OPCML: variants seen among roughly 807,000 people sequenced by gnomAD.
The protein encoded by OPCML is opioid-binding protein/cell adhesion molecule.
In OPCML, 13 loss-of-function variants were observed where a neutral mutation model predicts 37.8. The ratio of observed to expected loss-of-function variants is 0.34; its 90% CI spans 0.22 to 0.55. The LOEUF is 0.55. Among genes scored for constraint, OPCML ranks in the 20% least tolerant of loss-of-function variants. The pLI is 0.91. For missense variants in OPCML, 341 were observed against 435.6 expected (o/e 0.78, Z 1.93); for synonymous variants, 176 against 168.8 (o/e 1.04, Z -0.33).
At chr11:133,413,044 T>C (rs1945682344) in intron 1 of OPCML, among the ~76,000 whole-genome samples, 1 of 151,956 alleles carries the variant, frequency 6.6e-6, no homozygotes, top group Admixed American at 6.6e-5. Flanking sequence ...AGCTGACCCA[T>C]AGAACTTCTG....
chr11:132,500,343 C>T (rs749558191), intron 4 of OPCML, among the ~76,000 whole-genome samples: 2 of 152,068 alleles, frequency 1.3e-5, no homozygotes, highest in African/African-American at 2.4e-5. Flanking sequence ...TTTACCAGAA[C>T]CTGAAAAATT....
chr11:133,153,852 G>A (rs916990733), intron 1 of OPCML, among the ~76,000 whole-genome samples: 5 of 152,114 alleles, frequency 3.3e-5, no homozygotes, highest in East Asian at 1.9e-4. Flanking sequence ...ACACGTGGGG[G>A]CTCCATCTGG....
intron 1 of OPCML, among the ~76,000 whole-genome samples, chr11:133,329,004 T>G (rs1203008773): frequency 6.6e-6 from 1 of 152,136 alleles, no homozygotes; most frequent in African/African-American, 2.4e-5. Context: ...ACAAAATCAA[T>G]GTACAAAAAT....
chr11:132,769,064 A>T (rs1355368878), intron 2 of OPCML, among the ~76,000 whole-genome samples: 3 of 112,520 alleles, frequency 2.7e-5, no homozygotes, highest in Admixed American at 2.3e-4. Flanking sequence ...CTGTGAGGTG[A>T]GGAGGCTGCG....
At chr11:132,675,929 T>A (rs1942683130) in intron 2 of OPCML, among the ~76,000 whole-genome samples, 1 of 152,170 alleles carries the variant, frequency 6.6e-6, no homozygotes, top group Non-Finnish European at 1.5e-5. Context: ...TTGGCAGGAA[T>A]TGACCAGCTG....
intron 1 of OPCML, among the ~76,000 whole-genome samples, chr11:133,254,778 A>G (rs576643371): frequency 6.6e-6 from 1 of 152,298 alleles, no homozygotes; most frequent in South Asian, 2.1e-4. Context: ...AGGGGAGTGC[A>G]CTGGAGATGT....
chr11:133,406,888 G>A (rs1341121749), intron 1 of OPCML, among the ~76,000 whole-genome samples: 2 of 152,194 alleles, frequency 1.3e-5, no homozygotes, highest in Non-Finnish European at 2.9e-5. Context: ...ACAGAGTAGT[G>A]TGGAGGTTAA....
intron 1 of OPCML, among the ~76,000 whole-genome samples, chr11:133,214,021 G>C (rs115483775): frequency 0.016 from 2,486 of 152,190 alleles, 82 homozygotes; most frequent in African/African-American, 0.056. Flanking sequence ...TGTGAGCTCT[G>C]TACTCAATGG....
intron 1 of OPCML, among the ~76,000 whole-genome samples, chr11:133,469,783 G>A (rs1240121530): frequency 6.6e-6 from 1 of 152,056 alleles, no homozygotes; most frequent in African/African-American, 2.4e-5. Flanking sequence ...AAACCCCCAG[G>A]TTTTTATAGA....
At chr11:132,864,171 C>T (rs1161539455) in intron 2 of OPCML, among the ~76,000 whole-genome samples, 2 of 152,090 alleles carry the variant, frequency 1.3e-5, no homozygotes, top group African/African-American at 2.4e-5. Flanking sequence ...CTCCTGACCT[C>T]GGGTGATCCA....
chr11:132,584,809 A>G (rs2096469047), intron 3 of OPCML, among the ~76,000 whole-genome samples: 1 of 152,252 alleles, frequency 6.6e-6, no homozygotes, highest in Non-Finnish European at 1.5e-5. Flanking sequence ...AAGCCCTTAG[A>G]GCTGAAATAA....
At chr11:132,804,511 T>C (rs1419768724) in intron 2 of OPCML, among the ~76,000 whole-genome samples, 1 of 152,130 alleles carries the variant, frequency 6.6e-6, no homozygotes, top group Non-Finnish European at 1.5e-5. Flanking sequence ...AGAACATAGC[T>C]ACTAAATGCA....
rs1295590250 is a variant in OPCML, at chr11:132,555,529, T to C, written c.380-26343A>G. Among the ~76,000 whole-genome samples the C allele has an allele frequency of 2.6e-5, 4 of 152,198 alleles. No homozygotes were observed. In the East Asian group the frequency reaches 7.7e-4, roughly 29 times the overall value. ...CACATGGGAATTATGGGAGCTACAA[T>C]TCAAGATGAGATTTGGGTGGGGTCA... is the stretch of plus-strand genomic sequence containing the variant. On this transcript the variant is annotated intron_variant, in intron 3 of 7. Transcript: ENST00000524381.
At chr11:132,929,637 C>T (rs1217052449) in intron 2 of OPCML, among the ~76,000 whole-genome samples, 1 of 152,080 alleles carries the variant, frequency 6.6e-6, no homozygotes, top group East Asian at 1.9e-4. Flanking sequence ...GTCTAATGTG[C>T]CTTGTAAATA....
intron 2 of OPCML, among the ~76,000 whole-genome samples, chr11:132,682,082 C>A (rs544933489): frequency 6.6e-6 from 1 of 152,126 alleles, no homozygotes; most frequent in Admixed American, 6.5e-5. Context: ...ACTCAGGTAT[C>A]CCCCCAGATG....
In OPCML at chr11:132,436,536, G is replaced by A. The variant is rs1315800018; in HGVS notation, c.764+123C>T. The A allele has an allele frequency of 3.4e-6, 5 of 1,480,556 alleles. No homozygotes were observed. The Admixed American group carries it at 1.0e-4, about 30-fold the overall frequency. The allele number at this position is 1,480,556 out of a possible 1,614,324, so 91.7% of individuals were successfully genotyped here. ...TGTAAAAATAGACTTTGTTACAAAA[G>A]AGGGCATAGTATATTTCTGTTTTGC... On this transcript the variant is annotated intron_variant, in intron 6 of 7. Coordinates refer to ENST00000524381, the MANE Select transcript of OPCML (RefSeq NM_001012393.5).
chr11:133,012,200 C>T (rs973866339), intron 1 of OPCML, among the ~76,000 whole-genome samples: 1 of 152,080 alleles, frequency 6.6e-6, no homozygotes, highest in Non-Finnish European at 1.5e-5. Context: ...AGATAAACAT[C>T]CCATAATACA....
At chr11:133,320,923 G>GA (rs1257701084) in intron 1 of OPCML, among the ~76,000 whole-genome samples, 1 of 152,180 alleles carries the variant, frequency 6.6e-6, no homozygotes, top group African/African-American at 2.4e-5. Flanking sequence ...GGCTGAGGAT[G>GA]TGGTCTTATC....
intron 2 of OPCML, among the ~76,000 whole-genome samples, chr11:132,930,570 C>A (rs1945163557): frequency 6.6e-6 from 1 of 151,800 alleles, no homozygotes; most frequent in African/African-American, 2.4e-5. Context: ...TATAAACTAA[C>A]AATAAACAAT....
Sources: allele counts gnomAD v4.1 joint callset (sites outside exome capture counted in the v4.1 genomes callset), GRCh38; gene constraint gnomAD v4.1.1; transcripts MANE v1.5; gene names NCBI Gene and HGNC (gene_info 2026-07-23, HGNC 2026-07-21).